The following PBX3 variants were observed in gnomAD, a reference collection of about 807,000 sequenced individuals.
PBX3 encodes PBX homeobox 3, also known as pre-B-cell leukemia transcription factor 3.
A neutral mutation model predicts 48.5 loss-of-function variants in PBX3; 14 were observed. The observed-to-expected ratio is 0.29, with a 90% confidence interval of 0.19 to 0.45. The LOEUF (loss-of-function observed/expected upper bound fraction) is 0.45. Ranked by LOEUF, PBX3 falls within the 20% of genes least tolerant of loss-of-function variation. The pLI, the probability that PBX3 is intolerant of heterozygous loss-of-function variation, is 1.00. For synonymous variants in PBX3, 210 were observed against 200.3 expected (o/e 1.05, Z -0.41); for missense variants, 386 against 546.7 (o/e 0.71, Z 2.93).
chr9:125,837,568 ATACTT>A (rs1180866501), intron 2 of PBX3, among the ~76,000 whole-genome samples: 1 of 152,064 alleles, frequency 6.6e-6, no homozygotes, highest in African/African-American at 2.4e-5. Context: ...AAATGAAAAT[ATACTT>A]TAAGAGGAAT....
chr9:125,810,133 A>G (rs1453453015), intron 2 of PBX3, among the ~76,000 whole-genome samples: 3 of 152,182 alleles, frequency 2.0e-5, no homozygotes, highest in African/African-American at 7.2e-5. Flanking sequence ...TCAAACATCT[A>G]TTAGCTACCT....
chr9:125,816,745 G>C (rs775589799), intron 2 of PBX3, among the ~76,000 whole-genome samples: 5 of 152,004 alleles, frequency 3.3e-5, no homozygotes, highest in Non-Finnish European at 5.9e-5. Flanking sequence ...TCTCTTTTTT[G>C]TGTGTGTTTG....
intron 2 of PBX3, among the ~76,000 whole-genome samples, chr9:125,865,789 T>G (rs1451051031): frequency 6.6e-6 from 1 of 152,146 alleles, no homozygotes; most frequent in Non-Finnish European, 1.5e-5. Context: ...GATTATGTAG[T>G]TTTACCTGTA....
chr9:125,952,368 C>T (rs981227312), intron 5 of PBX3, among the ~76,000 whole-genome samples: 33 of 152,168 alleles, frequency 2.2e-4, no homozygotes, highest in African/African-American at 6.0e-4. Context: ...ACTTCTGCCT[C>T]TTGGAGGCGG....
intron 5 of PBX3, among the ~76,000 whole-genome samples, chr9:125,960,411 G>GC (rs1465005987): frequency 2.6e-5 from 4 of 152,152 alleles, no homozygotes; most frequent in Non-Finnish European, 4.4e-5. Context: ...TCGGTATATA[G>GC]CAGTTGGATA....
At chr9:125,781,124 T>G (rs201405291) in intron 2 of PBX3, among the ~76,000 whole-genome samples, 1 of 149,724 alleles carries the variant, frequency 6.7e-6, no homozygotes, top group Admixed American at 6.7e-5. Flanking sequence ...GGGTGGTGGC[T>G]GGGCAGAGGC....
chr9:125,836,227 T>C (rs10986968), intron 2 of PBX3, among the ~76,000 whole-genome samples: 9,020 of 152,116 alleles, frequency 0.059, 613 homozygotes, highest in East Asian at 0.17. Context: ...AGGTGGATCA[T>C]GAGGTCAAGA....
At chr9:125,862,893 T>C (rs903512582) in intron 2 of PBX3, among the ~76,000 whole-genome samples, 2 of 151,890 alleles carry the variant, frequency 1.3e-5, no homozygotes, top group Non-Finnish European at 2.9e-5. Context: ...TGATGTATGA[T>C]TTTTATTTTA....
chr9:125,843,960 A>G, intron 2 of PBX3: 1 of 288,400 alleles, frequency 3.5e-6, no homozygotes, highest in Non-Finnish European at 7.4e-6. Context: ...TGTTAAGATG[A>G]AAGATCAGAG....
At chr9:125,853,911 T>C (rs1278633905) in intron 2 of PBX3, among the ~76,000 whole-genome samples, 1 of 152,152 alleles carries the variant, frequency 6.6e-6, no homozygotes, top group Non-Finnish European at 1.5e-5. Flanking sequence ...CTATGCCCAA[T>C]ATGAGTTAAT....
intron 2 of PBX3, among the ~76,000 whole-genome samples, chr9:125,836,550 T>C (rs1780367460): frequency 1.3e-5 from 2 of 152,070 alleles, no homozygotes; most frequent in Admixed American, 1.3e-4. Flanking sequence ...GGTTAATGGG[T>C]ACAAAAATAT....
At chr9:125,816,668 G>A (rs971153702) in intron 2 of PBX3, among the ~76,000 whole-genome samples, 2 of 152,142 alleles carry the variant, frequency 1.3e-5, no homozygotes, top group Non-Finnish European at 2.9e-5. Flanking sequence ...TCAGGGTTCA[G>A]TTCTCTTTAT....
intron 2 of PBX3, among the ~76,000 whole-genome samples, chr9:125,770,625 T>C (rs894895710): frequency 6.6e-6 from 1 of 152,142 alleles, no homozygotes; most frequent in African/African-American, 2.4e-5. Context: ...GGATGAATCC[T>C]GGGAAGGTGC....
intron 2 of PBX3, among the ~76,000 whole-genome samples, chr9:125,882,074 T>TA (rs958682332): frequency 1.3e-5 from 2 of 151,536 alleles, no homozygotes; most frequent in African/African-American, 2.4e-5. Flanking sequence ...AAAATAAAAA[T>TA]AAAAAAATAG....
At chr9:125,777,151 A>G (rs912336580) in intron 2 of PBX3, among the ~76,000 whole-genome samples, 2 of 150,560 alleles carry the variant, frequency 1.3e-5, no homozygotes, top group African/African-American at 4.9e-5. Context: ...AGCTGGGACT[A>G]CAGATATGTG....
intron 2 of PBX3, among the ~76,000 whole-genome samples, chr9:125,905,369 A>G (rs374207919): frequency 6.6e-6 from 1 of 152,008 alleles, no homozygotes; most frequent in Non-Finnish European, 1.5e-5. Context: ...AATTGTTCTA[A>G]TGAGGAATAC....
intron 2 of PBX3, among the ~76,000 whole-genome samples, chr9:125,902,456 A>G (rs1840969964): frequency 6.6e-6 from 1 of 151,644 alleles, no homozygotes; most frequent in Non-Finnish European, 1.5e-5. Flanking sequence ...TAAATTTTTA[A>G]TGTATTACTA....
intron 2 of PBX3, among the ~76,000 whole-genome samples, chr9:125,842,675 G>A (rs1169770120): frequency 1.3e-5 from 2 of 152,128 alleles, no homozygotes; most frequent in African/African-American, 4.8e-5. Flanking sequence ...AGATTATGGG[G>A]TTTAGTTGCT....
chr9:125,861,140 A>C (rs1230226723), intron 2 of PBX3, among the ~76,000 whole-genome samples: 3 of 151,690 alleles, frequency 2.0e-5, no homozygotes, highest in Non-Finnish European at 4.4e-5. Context: ...CCTCCCACAA[A>C]AAAAATTAAT....
Sources: gnomAD v4.1 joint callset for allele counts (sites outside exome capture counted in the v4.1 genomes callset) on GRCh38, gnomAD v4.1.1 for gene constraint, MANE v1.5 for transcripts, NCBI Gene and HGNC (gene_info 2026-07-23, HGNC 2026-07-21) for gene names.